The following LRRIQ4 variants were observed in gnomAD, a reference collection of about 807,000 sequenced individuals.
LRRIQ4 encodes leucine-rich repeat and IQ domain-containing protein 4.
Under a neutral mutation model 40.1 loss-of-function variants are expected in LRRIQ4, and 21 were observed. The observed-to-expected ratio is 0.52, with a 90% CI of 0.37 to 0.75. The LOEUF is 0.75. LRRIQ4 is among the 30% of genes least tolerant of loss of function. LRRIQ4 has a pLI of 0.00. For synonymous variants in LRRIQ4, 277 were observed against 277.1 expected (o/e 1.00, Z 0.00); for missense variants, 655 against 660.0 (o/e 0.99, Z 0.08).
intron 4 of LRRIQ4, among the ~76,000 whole-genome samples, chr3:169,831,440 ATTTTTTTTTTTTTTTT>A (rs750864248): frequency 1.7e-4 from 5 of 29,394 alleles, no homozygotes; most frequent in African/African-American, 2.6e-4. Context: ...CGCCCGGCTA[ATTTTTTTTTTTTTTTT>A]TTTTTTTTTT....
chr3:169,831,543 C>T (rs1269034877), intron 4 of LRRIQ4, among the ~76,000 whole-genome samples: 1 of 134,278 alleles, frequency 7.4e-6, no homozygotes, highest in Non-Finnish European at 1.6e-5. Context: ...ACCTCGTGAT[C>T]TGCCCACCTT....
At position 169,837,654 on chromosome 3, in the gene LRRIQ4, G is replaced by A. The variant is rs759541548; in HGVS notation, c.*23G>A. The A allele has an allele frequency of 1.9e-6, 3 of 1,541,860 alleles. No homozygotes were observed. Among genetic ancestry groups the A allele is most frequent in the Non-Finnish European group, 2.6e-6 (3 of 1,145,360 alleles). ...TAATCCTGTAAATTGATAAATTGGG[G>A]TAATGGACCTTGATAGATTAAGAAG... is the stretch of plus-strand genomic sequence containing the variant. On this transcript the variant is annotated 3_prime_UTR_variant, in exon 6 of 6. Coordinates refer to ENST00000340806, the MANE Select transcript of LRRIQ4 (RefSeq NM_001080460.3).
chr3:169,821,830 G>C lies in LRRIQ4; in HGVS notation c.-31-61G>C, dbSNP rs530325509. The C allele has an allele frequency of 2.4e-3, 1,989 of 825,178 alleles. 6 individuals are homozygous for C. Among genetic ancestry groups the C allele is most frequent in the Non-Finnish European group, 3.2e-3 (1,815 of 573,208 alleles). The allele number at this position is 825,178 out of a possible 1,614,324, so 51.1% of individuals were successfully genotyped here. On this transcript the variant is annotated intron_variant, in intron 1 of 5. Transcript: ENST00000340806. Reference sequence around the variant, plus strand: ...TAGGTTTTAATTTTATTTTTCTTAAGGATAGCAAGTCTGGTGGCAGGTAAA... The same window carrying C: ...TAGGTTTTAATTTTATTTTTCTTAACGATAGCAAGTCTGGTGGCAGGTAAA...
chr3:169,821,835 G>T, intron 1 of LRRIQ4, 56 bp from the exon 2 acceptor site: 1 of 873,156 alleles, frequency 1.1e-6, no homozygotes, highest in Non-Finnish European at 1.6e-6. Flanking sequence ...CTTAAGGATA[G>T]CAAGTCTGGT....
rs879335270 is a variant in LRRIQ4, at chr3:169,836,184, T to TA, written c.1531-1281dup. Among the ~76,000 whole-genome samples the TA allele has an allele frequency of 7.7e-4, 109 of 141,910 alleles. 1 individual carries two copies. The highest frequency in any genetic ancestry group is 3.6e-3 in the Middle Eastern group (1 of 276). 93.1% of individuals were successfully genotyped at this position (141,910 alleles called of 152,430 possible). On this transcript the variant is annotated intron_variant, in intron 5 of 5. Coordinates refer to ENST00000340806, the MANE Select transcript of LRRIQ4 (RefSeq NM_001080460.3). The stretch of plus-strand genomic sequence containing the variant: ...TACTATGTTAGAGAGTGCTACTGTT[T>TA]AAAAAAAAAAAAAAGTTAGCCTAAG...
At chr3:169,820,433 A>G (rs1779858382) in intron 1 of LRRIQ4, among the ~76,000 whole-genome samples, 1 of 151,882 alleles carries the variant, frequency 6.6e-6, no homozygotes. Context: ...AAATTTTAGA[A>G]TCAGCTTGTC....
At chr3:169,835,470 T>C (rs552845008) in intron 5 of LRRIQ4, among the ~76,000 whole-genome samples, 7 of 151,746 alleles carry the variant, frequency 4.6e-5, no homozygotes, top group African/African-American at 1.7e-4. Context: ...CCTTCCTCTG[T>C]GGAGCATCAC....
At chr3:169,833,795 G>T (rs1780240447) in intron 5 of LRRIQ4, among the ~76,000 whole-genome samples, 1 of 152,074 alleles carries the variant, frequency 6.6e-6, no homozygotes, top group South Asian at 2.1e-4. Flanking sequence ...CATACCTTCT[G>T]CTCAGCAGTT....
chr3:169,823,045 G>A, intron 2 of LRRIQ4, 104 bp downstream of exon 2: 2 of 873,628 alleles, frequency 2.3e-6, no homozygotes, highest in Non-Finnish European at 1.7e-6. Flanking sequence ...CTTTATGGGC[G>A]AAAATCCAAG....
chr3:169,825,420 T>C (rs1026007691), intron 2 of LRRIQ4, among the ~76,000 whole-genome samples: 2 of 152,234 alleles, frequency 1.3e-5, no homozygotes, highest in African/African-American at 2.4e-5. Context: ...CTTGTAGATT[T>C]AGGTCGAGAT....
intron 2 of LRRIQ4, among the ~76,000 whole-genome samples, chr3:169,826,033 CA>C (rs1392792040): frequency 6.6e-6 from 1 of 151,990 alleles, no homozygotes; most frequent in Non-Finnish European, 1.5e-5. Context: ...TGTGTGCATG[CA>C]AAAAATATCT....
chr3:169,831,487 A>G (rs1302737304), intron 4 of LRRIQ4, among the ~76,000 whole-genome samples: 2 of 66,698 alleles, frequency 3.0e-5, no homozygotes, highest in African/African-American at 1.2e-4. Context: ...TTTTTTTAGT[A>G]GAGACGGGGT....
rs764778455 is a variant in LRRIQ4, at chr3:169,822,144, G to T, written c.223G>T (p.Val75Phe). 31 of 1,612,936 alleles carry T rather than the reference G, an allele frequency of 1.9e-5. No individual in the cohort carries two copies. Among genetic ancestry groups the T allele is most frequent in the Middle Eastern group, 1.7e-4 (1 of 6,054 alleles). ...GATTCAGCGTTTAAAGAACATCAGG[G>T]TCCTCTACCTGGATAAGAACAACCT... ...QEIQRLKNIR[V>F]LYLDKNNLRS... The change falls in exon 2 of 6, where the codon GTC becomes TTC. Residue 75 changes from valine to phenylalanine, a missense_variant. Physicochemically the swap from Val to Phe is conservative, Grantham distance 50 (BLOSUM62 -1). Transcript: ENST00000340806.
intron 1 of LRRIQ4, among the ~76,000 whole-genome samples, 185 bp downstream of exon 1, chr3:169,813,231 C>A (rs1174379640): frequency 6.6e-6 from 1 of 152,218 alleles, no homozygotes; most frequent in African/African-American, 2.4e-5. Context: ...CCGAGGAGAT[C>A]AGTCTCAAAT....
intron 1 of LRRIQ4, among the ~76,000 whole-genome samples, chr3:169,821,280 G>A (rs1005632980): frequency 1.3e-5 from 2 of 152,176 alleles, no homozygotes; most frequent in Non-Finnish European, 2.9e-5. Flanking sequence ...TATGGTAAGA[G>A]CAAGGATCTT....
Position 169,822,265 on chromosome 3 carries a change from G to C in LRRIQ4, c.344G>C (p.Ser115Thr). 1 of 1,610,510 alleles carries C rather than the reference G, an allele frequency of 6.2e-7. No homozygotes were observed. Among genetic ancestry groups the C allele is most frequent in the Non-Finnish European group, 8.5e-7 (1 of 1,178,584 alleles). The change falls in exon 2 of 6, where the codon AGC (serine) becomes ACC (threonine). Residue 115 changes from serine (S) to threonine (T), a missense_variant. Transcript: ENST00000340806. ...PIFSSSLVVV[S>T]FLHALRELRL... ...TTCTCCTCCTCCCTTGTCGTTGTCAGCTTCCTCCACGCCCTGCGCGAGCTC... is the reference window on the plus strand; with the variant it reads ...TTCTCCTCCTCCCTTGTCGTTGTCACCTTCCTCCACGCCCTGCGCGAGCTC...
intron 5 of LRRIQ4, among the ~76,000 whole-genome samples, chr3:169,835,312 C>T (rs1780280253): frequency 6.6e-6 from 1 of 151,654 alleles, no homozygotes; most frequent in South Asian, 2.1e-4. Flanking sequence ...GTTAACCAGT[C>T]CCTAGAGTCA....
At chr3:169,832,335 G>A (rs887593717) in intron 4 of LRRIQ4, among the ~76,000 whole-genome samples, 1 of 152,050 alleles carries the variant, frequency 6.6e-6, no homozygotes, top group South Asian at 2.1e-4. Flanking sequence ...GGGCTTGGTG[G>A]TGGGTGCCTG....
chr3:169,821,951 T>A lies in LRRIQ4; in HGVS notation c.30T>A (p.His10Gln). 4.0e-6 allele frequency: 6 copies of A among 1,493,300 alleles called. No individual in the cohort carries two copies. In the South Asian group the frequency reaches 4.4e-5, roughly 11 times the overall value. 92.5% of individuals were successfully genotyped at this position (1,493,300 alleles called of 1,614,324 possible). The change falls in exon 2 of 6, where the codon CAT becomes CAA. Residue 10 changes from histidine (H) to glutamine (Q), a missense_variant. Transcript: ENST00000340806. MSKDIKSVE[H>Q]SPKIHQRNDP... ...CAAAAGACATAAAATCAGTAGAACATTCACCTAAAATTCATCAGAGAAATG... is the reference window on the plus strand; with the variant it reads ...CAAAAGACATAAAATCAGTAGAACAATCACCTAAAATTCATCAGAGAAATG...
Sources: allele counts gnomAD v4.1 joint callset (sites outside exome capture counted in the v4.1 genomes callset), GRCh38; gene constraint gnomAD v4.1.1; transcripts MANE v1.5; gene names NCBI Gene and HGNC (gene_info 2026-07-23, HGNC 2026-07-21).